GABRG3: variants seen among roughly 807,000 people sequenced by gnomAD.
The protein encoded by GABRG3 is gamma-aminobutyric acid receptor subunit gamma-3.
A neutral mutation model predicts 48.8 loss-of-function variants in GABRG3; 25 were observed. The observed-to-expected ratio is 0.51, with a 90% CI of 0.37 to 0.72. GABRG3 has a LOEUF of 0.72. Ranked by LOEUF, GABRG3 falls within the 30% of genes least tolerant of loss-of-function variation. GABRG3 has a pLI of 0.00. For missense variants in GABRG3, 394 were observed against 577.9 expected, an observed-to-expected ratio of 0.68 and a Z score of 3.26; for synonymous variants, 227 against 217.6, an observed-to-expected ratio of 1.04 and a Z score of -0.38.
chr15:27,426,488 T>A (rs1374271026), intron 5 of GABRG3, among the ~76,000 whole-genome samples: 3 of 152,020 alleles, frequency 2.0e-5, no homozygotes, highest in Admixed American at 2.0e-4. Flanking sequence ...GAAACACACG[T>A]GCCAAATTAT....
rs962170832 is a variant in GABRG3 at position 26,976,607 on chromosome 15, C to G, written c.54-395C>G. 6.6e-6 allele frequency among the ~76,000 whole-genome samples: 1 copy of G among 152,056 alleles called. No homozygotes were observed. The highest frequency in any genetic ancestry group is 6.6e-5 in the Admixed American group (1 of 15,262). On this transcript the variant is annotated intron_variant, in intron 1 of 9. Coordinates refer to ENST00000615808, the MANE Select transcript of GABRG3 (RefSeq NM_033223.5). The surrounding 1 kb of genome is among the most constrained non-coding windows in gnomAD (Gnocchi z 7.8). ...GGTCTTGGTGGTCAGGGTGGAAACA[C>G]CACGATGCAGTCACCATATAGAAAA...
chr15:27,016,094 T>A (rs1895773547), intron 2 of GABRG3, among the ~76,000 whole-genome samples: 1 of 152,158 alleles, frequency 6.6e-6, no homozygotes, highest in South Asian at 2.1e-4. Context: ...AAGTAATTTT[T>A]ATATATTTAT....
In GABRG3 at chr15:27,101,186, T is replaced by C. The variant is rs189927877; in HGVS notation, c.270+74365T>C. 7.9e-5 allele frequency among the ~76,000 whole-genome samples: 12 copies of C among 152,292 alleles called. No individual in the cohort carries two copies. In the East Asian group the frequency reaches 2.1e-3, roughly 27 times the overall value. On this transcript the variant is annotated intron_variant, in intron 3 of 9. Coordinates refer to ENST00000615808, the MANE Select transcript of GABRG3 (RefSeq NM_033223.5). ...ACAAAAATCATGTGAAAACCAAAATTAAAAACATAATAGTTTTTACAGTTG... is the reference window on the plus strand; with the variant it reads ...ACAAAAATCATGTGAAAACCAAAATCAAAAACATAATAGTTTTTACAGTTG...
At chr15:27,221,536 C>T (rs1889453752) in intron 3 of GABRG3, among the ~76,000 whole-genome samples, 1 of 152,022 alleles carries the variant, frequency 6.6e-6, no homozygotes, top group Admixed American at 6.6e-5. Context: ...AAAGTGATGC[C>T]ATTCTCAAGG....
At chr15:27,346,547 TCTC>T (rs1459751074) in intron 5 of GABRG3, among the ~76,000 whole-genome samples, 5 of 152,230 alleles carry the variant, frequency 3.3e-5, no homozygotes, top group African/African-American at 9.6e-5. Flanking sequence ...TCTGCTTTTT[TCTC>T]CTCCTTTTGT....
chr15:27,053,409 G>T (rs1361746127), intron 3 of GABRG3, among the ~76,000 whole-genome samples: 3 of 152,176 alleles, frequency 2.0e-5, no homozygotes, highest in Non-Finnish European at 4.4e-5. Context: ...AACCGTCAGA[G>T]AATTGCAAAT....
chr15:27,341,426 T>C (rs2140528890), intron 5 of GABRG3, among the ~76,000 whole-genome samples: 1 of 152,266 alleles, frequency 6.6e-6, no homozygotes, highest in South Asian at 2.1e-4. Flanking sequence ...CCAAGCTGAG[T>C]GTCAGGGAAG....
chr15:27,395,390 T>A lies in GABRG3; in HGVS notation c.574+66502T>A, dbSNP rs146262742. ...GACTTGTACATATTAACAAGCTAAT[T>A]CTAAAATTTAGCAGGAAAGGCAGAG... On this transcript the variant is annotated intron_variant, in intron 5 of 9. Coordinates refer to ENST00000615808, the MANE Select transcript of GABRG3 (RefSeq NM_033223.5). 7.1e-4 allele frequency among the ~76,000 whole-genome samples: 108 copies of A among 152,324 alleles called. 3 individuals carry two copies. The highest frequency in any genetic ancestry group is 7.1e-3 in the Admixed American group (108 of 15,310).
Position 27,385,395 on chromosome 15 carries a change from A to G in GABRG3, c.574+56507A>G, listed in dbSNP as rs149808066. 2.5e-3 allele frequency among the ~76,000 whole-genome samples: 376 copies of G among 151,336 alleles called. 2 individuals carry two copies. Among genetic ancestry groups the G allele is most frequent in the Admixed American group, 0.018 (277 of 15,178 alleles). ...TTGGCGTTTCTTAAGCTTATTGGACATGTAGATGGAGGTTTGAATCAAATT... is the reference window on the plus strand; with the variant it reads ...TTGGCGTTTCTTAAGCTTATTGGACGTGTAGATGGAGGTTTGAATCAAATT... On this transcript the variant is annotated intron_variant, in intron 5 of 9. Coordinates refer to ENST00000615808, the MANE Select transcript of GABRG3 (RefSeq NM_033223.5).
At chr15:27,214,355 G>C (rs35770807) in intron 3 of GABRG3, among the ~76,000 whole-genome samples, 1 of 152,092 alleles carries the variant, frequency 6.6e-6, no homozygotes, top group African/African-American at 2.4e-5. Flanking sequence ...TGATGGCCGC[G>C]TCGGGTATGC....
intron 3 of GABRG3, among the ~76,000 whole-genome samples, chr15:27,053,310 C>T (rs992746624): frequency 2.0e-5 from 3 of 152,144 alleles, no homozygotes; most frequent in Non-Finnish European, 2.9e-5. Context: ...CAAATAACCC[C>T]ACTAGAAAGT....
intron 3 of GABRG3, among the ~76,000 whole-genome samples, chr15:27,052,029 G>A (rs1243383136): frequency 1.3e-5 from 2 of 152,172 alleles, no homozygotes; most frequent in Non-Finnish European, 2.9e-5. Flanking sequence ...GATGGGCAGC[G>A]GCTGTAAATA....
At chr15:26,991,496 A>G (rs1348739759) in intron 2 of GABRG3, among the ~76,000 whole-genome samples, 1 of 152,060 alleles carries the variant, frequency 6.6e-6, no homozygotes, top group African/African-American at 2.4e-5. Flanking sequence ...ATTGCATTCA[A>G]TTTATAGATT....
At chr15:27,288,070 T>G (rs183764092) in intron 3 of GABRG3, among the ~76,000 whole-genome samples, 12 of 152,270 alleles carry the variant, frequency 7.9e-5, no homozygotes, top group Non-Finnish European at 1.6e-4. Flanking sequence ...TTAGTTTTGA[T>G]AAAAGTATTT....
intron 5 of GABRG3, among the ~76,000 whole-genome samples, chr15:27,424,948 G>A (rs2140616446): frequency 6.6e-6 from 1 of 152,240 alleles, no homozygotes; most frequent in Non-Finnish European, 1.5e-5. Flanking sequence ...CTAGGGCCAT[G>A]CGATATCAGC....
intron 5 of GABRG3, among the ~76,000 whole-genome samples, chr15:27,414,939 A>G (rs777905811): frequency 4.6e-5 from 7 of 151,876 alleles, no homozygotes; most frequent in African/African-American, 7.3e-5. Flanking sequence ...GATTTTCGGG[A>G]GTGTGAAAGT....
rs1256543346 is a variant in GABRG3 at position 27,308,815 on chromosome 15, T to C, written c.271-17994T>C. ...AAACATACGTTTATATAAAAACACA[T>C]ATAGTGTAAACATACGTTTATATAA... On this transcript the variant is annotated intron_variant, in intron 3 of 9. Coordinates refer to ENST00000615808, the MANE Select transcript of GABRG3 (RefSeq NM_033223.5). 2.0e-5 allele frequency among the ~76,000 whole-genome samples: 3 copies of C among 149,044 alleles called. No homozygotes were observed. In the East Asian group the frequency reaches 6.2e-4, roughly 31 times the overall value.
intron 3 of GABRG3, among the ~76,000 whole-genome samples, chr15:27,302,223 C>CATGT (rs1260348674): frequency 6.6e-6 from 1 of 151,944 alleles, no homozygotes; most frequent in African/African-American, 2.4e-5. Flanking sequence ...TAGAATTCTC[C>CATGT]ATGTATGTAT....
intron 3 of GABRG3, among the ~76,000 whole-genome samples, chr15:27,149,428 C>T (rs922998155): frequency 6.9e-6 from 1 of 144,782 alleles, no homozygotes; most frequent in Non-Finnish European, 1.5e-5. Context: ...GATCTAGATT[C>T]AGTAGAATCC....
Sources: gnomAD v4.1 joint callset for allele counts (sites outside exome capture counted in the v4.1 genomes callset) on GRCh38, gnomAD v4.1.1 for gene constraint, Gnocchi (gnomAD v3.1) non-coding constraint, MANE v1.5 for transcripts, NCBI Gene and HGNC (gene_info 2026-07-23, HGNC 2026-07-21) for gene names.